RHEX: variants seen among roughly 807,000 people sequenced by gnomAD.
RHEX encodes the protein regulator of hemoglobinization and erythroid cell expansion.
A neutral mutation model predicts 20.1 loss-of-function variants in RHEX; 18 were observed. The observed-to-expected ratio is 0.90, with a 90% CI of 0.62 to 1.33. The LOEUF (loss-of-function observed/expected upper bound fraction) is 1.33, where lower values mean the gene tolerates loss of function less well. Ranked by LOEUF, RHEX falls within the 40% of genes most tolerant of loss-of-function variation. The probability of loss-of-function intolerance (pLI) is 0.00; values close to 1 mark genes in which losing one functional copy is unlikely to be tolerated. For synonymous variants in RHEX, 87 were observed against 77.1 expected, an observed-to-expected ratio of 1.13 and a Z score of -0.67; for missense variants, 192 against 214.3, an observed-to-expected ratio of 0.90 and a Z score of 0.65.
chr1:206,077,121 G>A (rs782436228), intron 1 of RHEX, among the ~76,000 whole-genome samples: 5 of 152,138 alleles, frequency 3.3e-5, no homozygotes, highest in Non-Finnish European at 7.4e-5. Context: ...ATGAGAAGAG[G>A]TTGTTGCCAG....
At position 206,067,333 on chromosome 1, in the gene RHEX, A is replaced by G. The variant is rs1283097735; in HGVS notation, c.-97+14068A>G. 1.3e-5 allele frequency among the ~76,000 whole-genome samples: 2 copies of G among 152,140 alleles called. No homozygotes were observed. Among genetic ancestry groups the G allele is most frequent in the Non-Finnish European group, 2.9e-5 (2 of 68,020 alleles). ...TCCACCTTAATCCTGTCATCATCCT[A>G]GGAGATTTTAGTGGCAATGTAGATA... is the stretch of plus-strand genomic sequence containing the variant. On this transcript the variant is annotated intron_variant, in intron 1 of 5. Transcript: ENST00000331555. This position sits in a 1 kb window ranked among gnomAD's most constrained non-coding sequence, Gnocchi z 4.6.
At chr1:206,056,923 T>G (rs1553282674) in intron 1 of RHEX, among the ~76,000 whole-genome samples, 1 of 152,264 alleles carries the variant, frequency 6.6e-6, no homozygotes, top group African/African-American at 2.4e-5. Context: ...AGTGTTTGGT[T>G]CCAAAAAGGA....
intron 1 of RHEX, among the ~76,000 whole-genome samples, chr1:206,066,729 G>A (rs1277811376): frequency 1.3e-5 from 2 of 152,194 alleles, no homozygotes; most frequent in Non-Finnish European, 2.9e-5. Context: ...TAGTGAGACT[G>A]GCTGTACATA....
At chr1:206,094,169 G>GGTGTGT (rs66885504) in intron 1 of RHEX, among the ~76,000 whole-genome samples, 2,697 of 148,648 alleles carry the variant, frequency 0.018, 51 homozygotes, top group African/African-American at 0.049. Flanking sequence ...CTGGTTATTT[G>GGTGTGT]GTGTGTGTGT....
Position 206,101,186 on chromosome 1 carries a change from C to G in RHEX, c.307C>G (p.Pro103Ala). The G allele has an allele frequency of 6.2e-7, 1 of 1,612,210 alleles. No individual in the cohort carries two copies. Among genetic ancestry groups the G allele is most frequent in the Non-Finnish European group, 8.5e-7 (1 of 1,179,138 alleles). ...CTTGGATAGCTCCTGCAGTTCGCCTCCTGCCTGCCAGGTAATGGATGTGCC... is the reference window on the plus strand; with the variant it reads ...CTTGGATAGCTCCTGCAGTTCGCCTGCTGCCTGCCAGGTAATGGATGTGCC... Reference protein sequence around the residue: ...DSLDSSCSSPPACQATEDVDY... With the variant: ...DSLDSSCSSPAACQATEDVDY... Residue 103 changes from proline (P) to alanine (A), a missense_variant, in exon 5 of 6, where the codon CCT (proline) becomes GCT (alanine). By Grantham distance (27) the Pro-to-Ala change is conservative. Coordinates refer to ENST00000331555, the MANE Select transcript of RHEX (RefSeq NM_001007544.4).
intron 1 of RHEX, among the ~76,000 whole-genome samples, chr1:206,083,875 GC>G (rs1167381760): frequency 6.6e-6 from 1 of 152,174 alleles, no homozygotes; most frequent in Non-Finnish European, 1.5e-5. Flanking sequence ...AGCAACAGCA[GC>G]CATTGGGGCT....
chr1:206,101,069 T>G, intron 4 of RHEX, 67 bp from the exon 5 acceptor site: 1 of 1,273,418 alleles, frequency 7.9e-7, no homozygotes. Flanking sequence ...TCCCTTCCAT[T>G]GTCTCTATCC....
At chr1:206,083,397 G>A in intron 1 of RHEX, 1 of 478,034 alleles carries the variant, frequency 2.1e-6, no homozygotes, top group Non-Finnish European at 2.7e-6. Context: ...GTCTGTACCA[G>A]GGAGCTGGGC....
chr1:206,092,805 G>A (rs55994060), intron 1 of RHEX, among the ~76,000 whole-genome samples: 2,050 of 152,264 alleles, frequency 0.013, 41 homozygotes, highest in African/African-American at 0.046. Flanking sequence ...ATTGGAAACT[G>A]CATATTAAAC....
intron 1 of RHEX, among the ~76,000 whole-genome samples, chr1:206,096,934 C>T (rs1409692305): frequency 9.9e-5 from 15 of 152,048 alleles, no homozygotes; most frequent in African/African-American, 2.4e-4. Flanking sequence ...GCCACCATGC[C>T]GGGATAATTT....
Position 206,101,922 on chromosome 1 carries a change from G to A in RHEX, c.489G>A (p.Glu163=), listed in dbSNP as rs1553288498. ...FWYFVNPALS[E]PAEYDQVAM is the part of the protein sequence containing the mutation. ...ATTTTGTCAACCCTGCTCTGTCTGA[G>A]CCAGCGGAATATGATCAAGTGGCCA... The change falls in exon 6 of 6, where the codon GAG becomes GAA. Residue 163 remains glutamate, a synonymous_variant. Coordinates refer to ENST00000331555, the MANE Select transcript of RHEX (RefSeq NM_001007544.4). 1 of 1,614,038 alleles carries A rather than the reference G, an allele frequency of 6.2e-7. No individual in the cohort carries two copies. The highest frequency in any genetic ancestry group is 8.5e-7 in the Non-Finnish European group (1 of 1,179,926).
chr1:206,093,842 T>G (rs1428984757), intron 1 of RHEX, among the ~76,000 whole-genome samples: 2 of 151,626 alleles, frequency 1.3e-5, no homozygotes, highest in African/African-American at 4.8e-5. Context: ...CGAAGTAGGG[T>G]TTTTTTTGGT....
intron 1 of RHEX, among the ~76,000 whole-genome samples, chr1:206,075,604 C>CT (rs1195410311): frequency 0.17 from 23,868 of 143,714 alleles, 2,231 homozygotes; most frequent in African/African-American, 0.25. Context: ...ATGCCAAAGT[C>CT]TTTTTTTTTT....
At chr1:206,095,770 C>T (rs1407188573) in intron 1 of RHEX, among the ~76,000 whole-genome samples, 1 of 151,772 alleles carries the variant, frequency 6.6e-6, no homozygotes, top group Non-Finnish European at 1.5e-5. Flanking sequence ...GAGCCGAGAT[C>T]GTGTCATTGT....
intron 1 of RHEX, among the ~76,000 whole-genome samples, chr1:206,088,434 G>A (rs190007814): frequency 6.8e-4 from 104 of 152,286 alleles, no homozygotes; most frequent in African/African-American, 1.3e-3. Flanking sequence ...TGTAATCCCA[G>A]CACTTTGGGA....
At chr1:206,059,701 T>A (rs1553283102) in intron 1 of RHEX, among the ~76,000 whole-genome samples, 1 of 152,006 alleles carries the variant, frequency 6.6e-6, no homozygotes, top group Non-Finnish European at 1.5e-5. Context: ...TCCCCTGAGA[T>A]TCCTCACCTA....
intron 1 of RHEX, among the ~76,000 whole-genome samples, chr1:206,086,671 T>A (rs1366174353): frequency 4.6e-5 from 7 of 152,236 alleles, no homozygotes; most frequent in Non-Finnish European, 1.0e-4. Flanking sequence ...AAATGTTTTT[T>A]ATGATATAGC....
chr1:206,097,789 G>C lies in RHEX; in HGVS notation c.-40G>C. On this transcript the variant is annotated 5_prime_UTR_variant, in exon 2 of 6. Transcript: ENST00000331555. The stretch of plus-strand genomic sequence containing the variant: ...GAGACGAGGTGCCAGGGTGGTTCCT[G>C]AAAGTGCCTGAGCCCCAACTTATCA... 1 of 1,614,144 alleles carries C rather than the reference G, an allele frequency of 6.2e-7. No homozygotes were observed. Among genetic ancestry groups the C allele is most frequent in the Non-Finnish European group, 8.5e-7 (1 of 1,179,992 alleles).
At chr1:206,101,412 T>C (rs1553288375) in intron 5 of RHEX, among the ~76,000 whole-genome samples, 1 of 152,106 alleles carries the variant, frequency 6.6e-6, no homozygotes, top group East Asian at 1.9e-4. Context: ...CTGAACAGAC[T>C]GTAAAAATGA....
Sources: gnomAD v4.1 joint callset for allele counts (sites outside exome capture counted in the v4.1 genomes callset) on GRCh38, gnomAD v4.1.1 for gene constraint, Gnocchi (gnomAD v3.1) non-coding constraint, MANE v1.5 for transcripts, NCBI Gene and HGNC (gene_info 2026-07-23, HGNC 2026-07-21) for gene names.